IL10RB: variants seen among roughly 807,000 people sequenced by gnomAD.
IL10RB encodes interleukin-10 receptor subunit beta.
In IL10RB, 30 loss-of-function variants were observed where a neutral mutation model predicts 38.7. The ratio of observed to expected loss-of-function variants is 0.78; its 90% CI spans 0.58 to 1.05. IL10RB has a LOEUF of 1.05. Ranked by LOEUF, IL10RB falls within the 50% of genes least tolerant of loss-of-function variation. IL10RB has a pLI of 0.00. For synonymous variants in IL10RB, 142 were observed against 145.9 expected (o/e 0.97, Z 0.19); for missense variants, 328 against 397.1 (o/e 0.83, Z 1.48).
At chr21:33,271,454 C>T (rs931069017) in intron 2 of IL10RB, among the ~76,000 whole-genome samples, 5 of 152,040 alleles carry the variant, frequency 3.3e-5, no homozygotes, top group Admixed American at 1.3e-4. Flanking sequence ...GAAGGCCAGG[C>T]GCGGTGGCTC....
intron 3 of IL10RB, 139 bp downstream of exon 3, chr21:33,276,892 A>G (rs1446939098): frequency 2.9e-6 from 2 of 696,884 alleles, no homozygotes; most frequent in Non-Finnish European, 5.0e-6. Context: ...GGAATATAAT[A>G]AAGAGAGTTG....
chr21:33,279,898 A>G lies in IL10RB; in HGVS notation c.478A>G (p.Lys160Glu), dbSNP rs777682011. 1 of 1,613,496 alleles carries G rather than the reference A, an allele frequency of 6.2e-7. No individual in the cohort carries two copies. The change falls in exon 4 of 7, where the codon AAA (lysine) becomes GAA (glutamate). Residue 160 changes from lysine (K) to glutamate (E), a missense_variant. By Grantham distance (56) the Lys-to-Glu change is moderately conservative (BLOSUM62 1). Coordinates refer to ENST00000290200, the MANE Select transcript of IL10RB (RefSeq NM_000628.5). ...ATGGACTTATAATGTGCAATACTGG[A>G]AAAACGGTACTGATGAAAAGGTAAG... Reference protein sequence around the residue: ...NSWTYNVQYWKNGTDEKFQIT... With the variant: ...NSWTYNVQYWENGTDEKFQIT...
chr21:33,280,889 A>G (rs1989268369), intron 4 of IL10RB, among the ~76,000 whole-genome samples: 1 of 152,212 alleles, frequency 6.6e-6, no homozygotes, highest in African/African-American at 2.4e-5. Flanking sequence ...TTTTTCCCCA[A>G]AAAATGTTCC....
At chr21:33,278,994 G>A in intron 3 of IL10RB, among the ~76,000 whole-genome samples, 1 of 152,202 alleles carries the variant, frequency 6.6e-6, no homozygotes, top group Non-Finnish European at 1.5e-5. Context: ...GAGCACTGAA[G>A]CTACAACAAT....
rs781749695 is a variant in IL10RB at position 33,276,691 on chromosome 21, G to C, written c.269G>C (p.Arg90Thr). Residue 90 changes from arginine to threonine, a missense_variant, in exon 3 of 7, where the codon AGG becomes ACG. Physicochemically the swap from Arg to Thr is moderately conservative, Grantham distance 71 (BLOSUM62 -1). Coordinates refer to ENST00000290200, the MANE Select transcript of IL10RB (RefSeq NM_000628.5). Reference protein sequence around the residue: ...SKYGDHTLRVRAEFADEHSDW... With the variant: ...SKYGDHTLRVTAEFADEHSDW... ...TATGGTGACCACACCTTGAGAGTCA[G>C]GGCTGAATTTGCAGATGAGCATTCA... The C allele has an allele frequency of 1.2e-6, 2 of 1,613,720 alleles. No individual in the cohort carries two copies. The highest frequency in any genetic ancestry group is 1.7e-6 in the Non-Finnish European group (2 of 1,179,594).
chr21:33,286,000 A>G (rs1467092559), intron 5 of IL10RB, among the ~76,000 whole-genome samples: 1 of 152,078 alleles, frequency 6.6e-6, no homozygotes, highest in African/African-American at 2.4e-5. Flanking sequence ...AGAACCAAGA[A>G]CTGGGATAAG....
intron 6 of IL10RB, chr21:33,293,984 C>T (rs781771983): frequency 6.4e-6 from 3 of 471,112 alleles, no homozygotes; most frequent in South Asian, 4.6e-5. Context: ...TATTCACCTG[C>T]TATTTTTGCT....
chr21:33,303,962 A>G (rs1262773956), intron 1 of IL10RB, among the ~76,000 whole-genome samples: 1 of 152,182 alleles, frequency 6.6e-6, no homozygotes, highest in Non-Finnish European at 1.5e-5. Context: ...GGGGCTTGGG[A>G]GGAAATGAGT....
intron 6 of IL10RB, among the ~76,000 whole-genome samples, chr21:33,290,850 T>G (rs1384183446): frequency 1.3e-5 from 2 of 152,180 alleles, no homozygotes; most frequent in African/African-American, 2.4e-5. Context: ...CTCTACTAGT[T>G]TGTCGGGGCT....
chr21:33,302,281 A>G (rs1385935068), intron 1 of IL10RB, among the ~76,000 whole-genome samples: 1 of 152,230 alleles, frequency 6.6e-6, no homozygotes, highest in African/African-American at 2.4e-5. Context: ...GGAGCTGCCA[A>G]TCAGGCATAA....
rs372829605 is a variant in IL10RB at position 33,288,359 on chromosome 21, A to G, written c.804+98A>G. The stretch of plus-strand genomic sequence containing the variant: ...CCCAATTCCAGACAACATGTTTTCC[A>G]GGAAAACACACACGCGCGCGCGCAC... On this transcript the variant is annotated intron_variant, in intron 6 of 6. Coordinates refer to ENST00000290200, the MANE Select transcript of IL10RB (RefSeq NM_000628.5). 4 of 991,732 alleles carry G rather than the reference A, an allele frequency of 4.0e-6. No homozygotes were observed. The East Asian group carries it at 9.6e-5, about 24-fold the overall frequency. 61.4% of individuals were successfully genotyped at this position (991,732 alleles called of 1,614,324 possible).
rs1058859 is a variant in IL10RB, at chr21:33,279,791, C to G, written c.371C>G (p.Ala124Gly). The change falls in exon 4 of 7, where the codon GCT becomes GGT. Residue 124 changes from alanine (A) to glycine (G), a missense_variant. Ala to Gly is a moderately conservative substitution (Grantham distance 60, BLOSUM62 0). Coordinates refer to ENST00000290200, the MANE Select transcript of IL10RB (RefSeq NM_000628.5). The stretch of plus-strand genomic sequence containing the variant: ...CCTGGAATGCAAGTAGAAGTACTTG[C>G]TGATTCTTTACATATGCGTTTCTTA... The part of the protein sequence containing the change: ...GPPGMQVEVL[A>G]DSLHMRFLAP... 1 of 1,613,706 alleles carries G rather than the reference C, an allele frequency of 6.2e-7. No individual in the cohort carries two copies. Among genetic ancestry groups the G allele is most frequent in the Non-Finnish European group, 8.5e-7 (1 of 1,179,728 alleles).
At chr21:33,278,577 G>C (rs1192709139) in intron 3 of IL10RB, among the ~76,000 whole-genome samples, 1 of 152,152 alleles carries the variant, frequency 6.6e-6, no homozygotes, top group Non-Finnish European at 1.5e-5. Context: ...GTTCCCTTTA[G>C]AGCCTAGGTA....
intron 2 of IL10RB, among the ~76,000 whole-genome samples, chr21:33,269,949 C>A (rs969005733): frequency 3.9e-5 from 6 of 152,232 alleles, no homozygotes; most frequent in African/African-American, 1.4e-4. Context: ...TGAGCCACCA[C>A]GCCCGGCCCA....
intron 6 of IL10RB, among the ~76,000 whole-genome samples, chr21:33,289,125 G>A (rs541380108): frequency 2.2e-4 from 34 of 152,334 alleles, no homozygotes; most frequent in Middle Eastern, 6.8e-3. Context: ...AGGGATGGGC[G>A]TGTGAACTCC....
intron 6 of IL10RB, among the ~76,000 whole-genome samples, chr21:33,288,697 G>A (rs1989427286): frequency 6.6e-6 from 1 of 152,178 alleles, no homozygotes; most frequent in Admixed American, 6.5e-5. Flanking sequence ...TTCCAGTTTT[G>A]GAATATACGA....
At chr21:33,278,080 G>T (rs1306354031) in intron 3 of IL10RB, among the ~76,000 whole-genome samples, 1 of 151,346 alleles carries the variant, frequency 6.6e-6, no homozygotes, top group African/African-American at 2.4e-5. Flanking sequence ...AGCCAGGCAT[G>T]GTGGAGTGTG....
At position 33,282,429 on chromosome 21, in the gene IL10RB, G is replaced by A. The variant is rs756919210; in HGVS notation, c.499-665G>A. Among the ~76,000 whole-genome samples the A allele has an allele frequency of 2.0e-5, 3 of 152,116 alleles. No homozygotes were observed. The South Asian group carries it at 6.2e-4, about 32-fold the overall frequency. ...TGTGCACCTGTATTCTCAGCTACTCGGGAGGCTGAGGCAGGAGAATTGCTT... is the reference window on the plus strand; with the variant it reads ...TGTGCACCTGTATTCTCAGCTACTCAGGAGGCTGAGGCAGGAGAATTGCTT... On this transcript the variant is annotated intron_variant, in intron 4 of 6. Coordinates refer to ENST00000290200, the MANE Select transcript of IL10RB (RefSeq NM_000628.5).
rs982009975 is a variant in IL10RB at position 33,287,382 on chromosome 21, G to A, written c.647-722G>A. On this transcript the variant is annotated intron_variant, in intron 5 of 6. Transcript: ENST00000290200. ...CTTTGGTTTTGGTTTTTGAGGCGGG[G>A]TTTCACTCTGTCGCCCAGTTTGGAG... is the stretch of plus-strand genomic sequence containing the variant. Among the ~76,000 whole-genome samples the A allele has an allele frequency of 5.3e-5, 8 of 151,716 alleles. No individual in the cohort carries two copies. In the East Asian group the frequency reaches 1.6e-3, roughly 29 times the overall value.
Sources: allele counts gnomAD v4.1 joint callset (sites outside exome capture counted in the v4.1 genomes callset), GRCh38; gene constraint gnomAD v4.1.1; transcripts MANE v1.5; gene names NCBI Gene and HGNC (gene_info 2026-07-23, HGNC 2026-07-21).